OSBPL2: variants seen among roughly 807,000 people sequenced by gnomAD.
OSBPL2 encodes the protein oxysterol-binding protein-related protein 2.
A neutral mutation model predicts 58.4 loss-of-function variants in OSBPL2; 18 were observed. That is an observed-to-expected ratio of 0.31 (90% CI 0.21 to 0.46). OSBPL2 has a LOEUF of 0.46. Ranked by LOEUF, OSBPL2 falls within the 20% of genes least tolerant of loss-of-function variation. The pLI is 1.00. For synonymous variants in OSBPL2, 221 were observed against 234.1 expected, an observed-to-expected ratio of 0.94 and a Z score of 0.51; for missense variants, 461 against 616.5, an observed-to-expected ratio of 0.75 and a Z score of 2.67.
chr20:62,279,444 T>A, intron 7 of OSBPL2, 105 bp downstream of exon 7: 1 of 1,202,652 alleles, frequency 8.3e-7, no homozygotes, highest in Non-Finnish European at 1.2e-6. Context: ...CTGTCATTTT[T>A]CTCCTGAGGT....
intron 2 of OSBPL2, among the ~76,000 whole-genome samples, chr20:62,257,044 G>T (rs1980972711): frequency 6.6e-6 from 1 of 152,266 alleles, no homozygotes. Flanking sequence ...GAAAGGAGTG[G>T]CTTTGGAAAT....
In OSBPL2 at chr20:62,260,035, C is replaced by G; in HGVS notation, c.92C>G (p.Thr31Arg). 1 of 1,613,170 alleles carries G rather than the reference C, an allele frequency of 6.2e-7. No individual in the cohort carries two copies. Among genetic ancestry groups the G allele is most frequent in the East Asian group, 2.2e-5 (1 of 44,858 alleles). The change falls in exon 3 of 14, where the codon ACG becomes AGG. Residue 31 changes from threonine (T) to arginine (R), a missense_variant. By Grantham distance (71) the Thr-to-Arg change is moderately conservative. Coordinates refer to ENST00000313733, the MANE Select transcript of OSBPL2 (RefSeq NM_144498.4). ...TTTTCAGAGGCAAATCAGAAAGTCA[C>G]GGGAATGATTGACTTAGACACCAGC... ...GEFSEANQKV[T>R]GMIDLDTSKN...
chr20:62,258,502 A>G (rs1568832622), intron 2 of OSBPL2, among the ~76,000 whole-genome samples: 5 of 152,266 alleles, frequency 3.3e-5, no homozygotes, highest in African/African-American at 2.4e-5. Flanking sequence ...CAGAGGGGCT[A>G]ATAAAAACAA....
chr20:62,259,428 G>A lies in OSBPL2; in HGVS notation c.38-553G>A, dbSNP rs530279321. 9.2e-5 allele frequency among the ~76,000 whole-genome samples: 14 copies of A among 152,242 alleles called. No homozygotes were observed. The South Asian group carries it at 1.7e-3, about 18-fold the overall frequency. Reference sequence around the variant, plus strand: ...CCTTCTCCAGAGTCCCCCTTCATCCGGAGTCCACTCTGAGTCCAGTCACAT... The same window carrying A: ...CCTTCTCCAGAGTCCCCCTTCATCCAGAGTCCACTCTGAGTCCAGTCACAT... On this transcript the variant is annotated intron_variant, in intron 2 of 13. Transcript: ENST00000313733.
intron 2 of OSBPL2, among the ~76,000 whole-genome samples, chr20:62,256,582 C>T (rs1428482777): frequency 1.3e-5 from 2 of 152,206 alleles, no homozygotes; most frequent in African/African-American, 2.4e-5. Flanking sequence ...GACAGCAAAC[C>T]CCTGGGTCTG....
intron 6 of OSBPL2, among the ~76,000 whole-genome samples, chr20:62,277,060 C>A (rs993375031): frequency 6.6e-6 from 1 of 151,938 alleles, no homozygotes; most frequent in Non-Finnish European, 1.5e-5. Context: ...ACTAGCCTGG[C>A]CGACATGGTG....
chr20:62,271,104 T>C (rs1982026023), intron 4 of OSBPL2, among the ~76,000 whole-genome samples: 1 of 152,050 alleles, frequency 6.6e-6, no homozygotes, highest in Non-Finnish European at 1.5e-5. Context: ...CAGACCCTGC[T>C]CCTTCCTGAA....
At chr20:62,274,252 C>T (rs1451951376) in intron 6 of OSBPL2, among the ~76,000 whole-genome samples, 2 of 152,212 alleles carry the variant, frequency 1.3e-5, no homozygotes. Flanking sequence ...TGCCCACCCA[C>T]ACCAACAAAT....
intron 2 of OSBPL2, among the ~76,000 whole-genome samples, chr20:62,259,525 C>T (rs1395095959): frequency 6.6e-6 from 1 of 152,160 alleles, no homozygotes; most frequent in Admixed American, 6.5e-5. Context: ...CGATGGTCTC[C>T]CTTGAAACAC....
intron 1 of OSBPL2, among the ~76,000 whole-genome samples, chr20:62,255,795 A>G (rs1402989220): frequency 1.3e-5 from 2 of 152,274 alleles, no homozygotes; most frequent in East Asian, 1.9e-4. Context: ...GTGAGCCACC[A>G]TGCCCAGCCA....
At chr20:62,254,016 T>C (rs1980753468) in intron 1 of OSBPL2, among the ~76,000 whole-genome samples, 1 of 152,176 alleles carries the variant, frequency 6.6e-6, no homozygotes, top group Non-Finnish European at 1.5e-5. Flanking sequence ...CAGGCTGGTC[T>C]GGAACTCTTG....
At chr20:62,267,096 T>C (rs1981721237) in intron 4 of OSBPL2, among the ~76,000 whole-genome samples, 1 of 152,192 alleles carries the variant, frequency 6.6e-6, no homozygotes, top group Non-Finnish European at 1.5e-5. Flanking sequence ...CAAAAAAGAA[T>C]TAGCCGGGCA....
At chr20:62,256,456 A>G (rs2145927848) in intron 2 of OSBPL2, among the ~76,000 whole-genome samples, 1 of 152,246 alleles carries the variant, frequency 6.6e-6, no homozygotes. Flanking sequence ...TGGGGTGCGG[A>G]TATTTTCATT....
rs766493263 is a variant in OSBPL2, at chr20:62,293,944, A to G, written c.*57A>G. The G allele has an allele frequency of 2.5e-6, 4 of 1,590,964 alleles. No individual in the cohort carries two copies. The Admixed American group carries it at 7.2e-5, about 29-fold the overall frequency. On this transcript the variant is annotated 3_prime_UTR_variant, in exon 14 of 14. Transcript: ENST00000313733. Reference sequence around the variant, plus strand: ...AGGCTGACGAGGCTGGACTTCCTCGAGTGGCCACTGTGAGCCTCGTCACAG... The same window carrying G: ...AGGCTGACGAGGCTGGACTTCCTCGGGTGGCCACTGTGAGCCTCGTCACAG...
At chr20:62,281,549 C>G (rs755431682) in intron 8 of OSBPL2, 2 of 525,188 alleles carry the variant, frequency 3.8e-6, no homozygotes, top group Non-Finnish European at 6.9e-6. Flanking sequence ...ATAATCGATG[C>G]ATCATAAGAC....
At chr20:62,250,031 C>T (rs1980417454) in intron 1 of OSBPL2, among the ~76,000 whole-genome samples, 1 of 152,248 alleles carries the variant, frequency 6.6e-6, no homozygotes, top group African/African-American at 2.4e-5. Context: ...AAGGCTCACT[C>T]TGAGCTCAGC....
chr20:62,270,226 CAT>C (rs775337134), intron 4 of OSBPL2, among the ~76,000 whole-genome samples: 12 of 152,292 alleles, frequency 7.9e-5, no homozygotes, highest in South Asian at 2.1e-4. Flanking sequence ...CTTAGCAGCT[CAT>C]GTGTGTGTCA....
chr20:62,244,586 T>C lies in OSBPL2; in HGVS notation c.-129+5989T>C, dbSNP rs576309547. On this transcript the variant is annotated intron_variant, in intron 1 of 13. Coordinates refer to ENST00000313733, the MANE Select transcript of OSBPL2 (RefSeq NM_144498.4). ...AACACATGTTTTTGTACGGAAGCGCTTGCATTCATCTTGTGTGTTTGGAAA... is the reference window on the plus strand; with the variant it reads ...AACACATGTTTTTGTACGGAAGCGCCTGCATTCATCTTGTGTGTTTGGAAA... 1.1e-3 allele frequency among the ~76,000 whole-genome samples: 163 copies of C among 152,374 alleles called. 1 individual carries two copies. The highest frequency in any genetic ancestry group is 4.1e-3 in the South Asian group (20 of 4,832).
intron 11 of OSBPL2, 116 bp downstream of exon 11, chr20:62,286,827 T>A: frequency 7.9e-7 from 1 of 1,272,972 alleles, no homozygotes; most frequent in Non-Finnish European, 1.1e-6. Flanking sequence ...CGCCTCAGCC[T>A]GTTGTCCCAG....
Sources: gnomAD v4.1 joint callset for allele counts (sites outside exome capture counted in the v4.1 genomes callset) on GRCh38, gnomAD v4.1.1 for gene constraint, MANE v1.5 for transcripts, NCBI Gene and HGNC (gene_info 2026-07-23, HGNC 2026-07-21) for gene names.